RARB: variants seen among roughly 807,000 people sequenced by gnomAD.
RARB encodes the protein HBV-activated protein.
In RARB, 17 loss-of-function variants were observed where a neutral mutation model predicts 51.9. That is an observed-to-expected ratio of 0.33 (90% confidence interval 0.22 to 0.49). The LOEUF is 0.49. Among genes scored for constraint, RARB ranks in the 20% least tolerant of loss-of-function variants. RARB has a pLI of 0.99. For synonymous variants in RARB, 215 were observed against 195.4 expected (o/e 1.10, Z -0.84); for missense variants, 369 against 550.8 (o/e 0.67, Z 3.30).
At chr3:25,494,434 C>T (rs918521310) in intron 2 of RARB, among the ~76,000 whole-genome samples, 1 of 152,168 alleles carries the variant, frequency 6.6e-6, no homozygotes, top group Admixed American at 6.5e-5. Flanking sequence ...TGCCAGTTTT[C>T]CTCCCTTCTA....
rs569986691 is a variant in RARB at position 25,316,308 on chromosome 3, G to A, written c.178+141733G>A. The stretch of plus-strand genomic sequence containing the variant: ...CCAAAGGTGACATATAGTATTAGAG[G>A]AAAGCCTTAATTATGGGTGAGCACA... On this transcript the variant is annotated intron_variant, in intron 5 of 11. Coordinates refer to the RARB transcript ENST00000383772. Among the ~76,000 whole-genome samples, 23 of 152,062 alleles carry A rather than the reference G, an allele frequency of 1.5e-4. 1 individual carries two copies. In the South Asian group the frequency reaches 4.8e-3, roughly 32 times the overall value.
At chr3:25,141,320 T>C (rs1341715498) in intron 4 of RARB, among the ~76,000 whole-genome samples, 1 of 151,882 alleles carries the variant, frequency 6.6e-6, no homozygotes, top group Non-Finnish European at 1.5e-5. Context: ...TGAATAAGGA[T>C]GGTACAAATA....
chr3:25,366,465 T>C (rs1706122914), intron 5 of RARB, among the ~76,000 whole-genome samples: 1 of 152,210 alleles, frequency 6.6e-6, no homozygotes, highest in Non-Finnish European at 1.5e-5. Flanking sequence ...ATCAGGTTAA[T>C]AGAAGTAACC....
In RARB at chr3:25,301,454, G is replaced by C. The variant is rs1042790672; in HGVS notation, c.178+126879G>C. On this transcript the variant is annotated intron_variant, in intron 5 of 11. Coordinates refer to the RARB transcript ENST00000383772. ...GCTCTGTGCTGGTGATATAACCATG[G>C]CTACCTTCTCGTTATAACCATAAGG... 2.6e-5 allele frequency among the ~76,000 whole-genome samples: 4 copies of C among 151,934 alleles called. No homozygotes were observed. The East Asian group carries it at 7.7e-4, about 29-fold the overall frequency.
At chr3:24,927,094 C>T (rs901518041) in intron 2 of RARB, among the ~76,000 whole-genome samples, 1 of 152,050 alleles carries the variant, frequency 6.6e-6, no homozygotes, top group African/African-American at 2.4e-5. Context: ...TTACTTTAAC[C>T]TCATATATTC....
chr3:25,199,958 C>T (rs1375304673), intron 5 of RARB, among the ~76,000 whole-genome samples: 9 of 151,948 alleles, frequency 5.9e-5, no homozygotes, highest in Non-Finnish European at 7.4e-5. Flanking sequence ...TGGGTATACG[C>T]CCAGTAATGG....
At chr3:25,169,980 C>G (rs1575193117) in intron 4 of RARB, among the ~76,000 whole-genome samples, 1 of 116,948 alleles carries the variant, frequency 8.6e-6, no homozygotes. Context: ...AGAGCGACAC[C>G]TTATTTCTTA....
chr3:25,203,548 A>T (rs1286546712), intron 5 of RARB, among the ~76,000 whole-genome samples: 1 of 152,258 alleles, frequency 6.6e-6, no homozygotes, highest in African/African-American at 2.4e-5. Flanking sequence ...ACAATTCGGC[A>T]TGTTTTTGCA....
chr3:25,449,908 C>A (rs998338312), intron 1 of RARB, among the ~76,000 whole-genome samples: 1 of 152,036 alleles, frequency 6.6e-6, no homozygotes, highest in Admixed American at 6.6e-5. Flanking sequence ...CACGCCACCA[C>A]AAATTTTTTT....
chr3:25,452,671 G>T (rs1201618271), intron 1 of RARB, among the ~76,000 whole-genome samples: 1 of 149,514 alleles, frequency 6.7e-6, no homozygotes, highest in Non-Finnish European at 1.5e-5. Context: ...AAGCGGGGGG[G>T]GTTTGGTGAG....
chr3:24,841,427 C>T (rs1702420340), intron 1 of RARB, among the ~76,000 whole-genome samples: 1 of 152,190 alleles, frequency 6.6e-6, no homozygotes, highest in African/African-American at 2.4e-5. Context: ...TGCAGTGGAT[C>T]AAGAAGTCCT....
At chr3:25,414,629 G>T (rs1213785692) in intron 5 of RARB, among the ~76,000 whole-genome samples, 3 of 152,102 alleles carry the variant, frequency 2.0e-5, no homozygotes, top group Non-Finnish European at 2.9e-5. Context: ...TCTTATTGTG[G>T]TTTTAATTGG....
intron 3 of RARB, among the ~76,000 whole-genome samples, chr3:25,124,615 A>AT (rs1699833989): frequency 1.3e-5 from 2 of 152,092 alleles, no homozygotes; most frequent in South Asian, 4.1e-4. Context: ...TATTTCAGAA[A>AT]TTTTTTCTAA....
intron 2 of RARB, among the ~76,000 whole-genome samples, chr3:24,887,239 G>T (rs535506946): frequency 2.0e-5 from 3 of 152,276 alleles, no homozygotes; most frequent in South Asian, 4.1e-4. Context: ...AGGCGGCGGG[G>T]TGGAGAGACA....
intron 5 of RARB, among the ~76,000 whole-genome samples, chr3:25,192,045 A>G (rs1024898523): frequency 1.3e-5 from 2 of 152,110 alleles, no homozygotes; most frequent in Non-Finnish European, 2.9e-5. Flanking sequence ...AAGTGTAACA[A>G]TGATTGAGAG....
intron 2 of RARB, among the ~76,000 whole-genome samples, chr3:24,992,369 T>A (rs1299783485): frequency 6.6e-6 from 1 of 152,168 alleles, no homozygotes; most frequent in Non-Finnish European, 1.5e-5. Flanking sequence ...TGAGGTGCTT[T>A]CATCTTTCTG....
At chr3:25,459,332 C>T (rs965559148) in intron 1 of RARB, among the ~76,000 whole-genome samples, 18 of 152,280 alleles carry the variant, frequency 1.2e-4, no homozygotes, top group Admixed American at 5.2e-4. Context: ...TTGGCCTATT[C>T]AGAAGACAGA....
Position 25,477,955 on chromosome 3 carries a change from G to A in RARB, c.306+16614G>A, listed in dbSNP as rs573048097. On this transcript the variant is annotated intron_variant, in intron 2 of 7. Transcript: ENST00000330688. The stretch of plus-strand genomic sequence containing the variant: ...GGAGTTGTCTTCAGTTATAGGTCTC[G>A]TAGTTGGTGTTGCCTGCTAAGTCCT... Among the ~76,000 whole-genome samples, 16 of 152,278 alleles carry A rather than the reference G, an allele frequency of 1.1e-4. No homozygotes were observed. The East Asian group carries it at 1.4e-3, about 13-fold the overall frequency.
chr3:25,421,369 T>C (rs980486938), intron 5 of RARB, among the ~76,000 whole-genome samples: 1 of 151,588 alleles, frequency 6.6e-6, no homozygotes, highest in Non-Finnish European at 1.5e-5. Flanking sequence ...CATTTTGTCC[T>C]TGCAGACATT....
Sources: gnomAD v4.1 joint callset for allele counts (sites outside exome capture counted in the v4.1 genomes callset) on GRCh38, gnomAD v4.1.1 for gene constraint, MANE v1.5 for transcripts, NCBI Gene and HGNC (gene_info 2026-07-23, HGNC 2026-07-21) for gene names.